Variants in DNAH9 observed in about 807,000 individuals in gnomAD.
The protein encoded by DNAH9 is DNAH9 variant protein.
In DNAH9, 345 loss-of-function variants were observed where a neutral mutation model predicts 471.6. That is an observed-to-expected ratio of 0.73 (90% CI 0.67 to 0.80). The LOEUF (loss-of-function observed/expected upper bound fraction) is 0.80. Ranked by LOEUF, DNAH9 falls within the 30% of genes least tolerant of loss-of-function variation. The pLI, the probability that DNAH9 is intolerant of heterozygous loss-of-function variation, is 0.00. For missense variants in DNAH9, 5,407 were observed against 5,609.2 expected (o/e 0.96, Z 1.15); for synonymous variants, 2,093 against 2,123.6 (o/e 0.99, Z 0.40).
intron 51 of DNAH9, among the ~76,000 whole-genome samples, chr17:11,869,902 C>T (rs1264626309): frequency 6.6e-6 from 1 of 152,212 alleles, no homozygotes; most frequent in Non-Finnish European, 1.5e-5. Context: ...TCCATGTGGC[C>T]ATGACTGGGG....
intron 53 of DNAH9, among the ~76,000 whole-genome samples, chr17:11,878,605 G>A (rs767748705): frequency 2.6e-5 from 4 of 152,100 alleles, no homozygotes; most frequent in African/African-American, 9.7e-5. Flanking sequence ...ACCCAGGCTG[G>A]AGTACAGTGG....
At chr17:11,651,697 T>C (rs1022378589) in intron 13 of DNAH9, among the ~76,000 whole-genome samples, 1 of 152,228 alleles carries the variant, frequency 6.6e-6, no homozygotes, top group Non-Finnish European at 1.5e-5. Context: ...ATGCATTGAC[T>C]TCTCTGGTAT....
chr17:11,924,049 A>G (rs748678501), intron 62 of DNAH9, 108 bp downstream of exon 62: 70 of 1,429,392 alleles, frequency 4.9e-5, no homozygotes, highest in Non-Finnish European at 6.0e-5. Flanking sequence ...GTCCTTTCAC[A>G]CTCTTGTCCC....
At chr17:11,912,280 G>A (rs1471607158) in intron 61 of DNAH9, among the ~76,000 whole-genome samples, 3 of 152,112 alleles carry the variant, frequency 2.0e-5, no homozygotes, top group Non-Finnish European at 2.9e-5. Context: ...ACCTCCCAAA[G>A]TGCTATCCTC....
intron 68 of DNAH9, among the ~76,000 whole-genome samples, chr17:11,963,290 C>T (rs1179689996): frequency 1.3e-5 from 2 of 151,950 alleles, no homozygotes; most frequent in African/African-American, 4.8e-5. Context: ...CAAAATTAGC[C>T]GGGCATGGTG....
Position 11,679,872 on chromosome 17 carries a change from G to A in DNAH9, c.3469G>A (p.Glu1157Lys), listed in dbSNP as rs770487783. ...CATGGGACACCTTATGGCTGTTAAAGAACGGCAGAGTAACACTGATGAGAT... is the reference window on the plus strand; with the variant it reads ...CATGGGACACCTTATGGCTGTTAAAAAACGGCAGAGTAACACTGATGAGAT... ...EIMGHLMAVK[E>K]RQSNTDEMFE... Residue 1157 changes from glutamate to lysine, a missense_variant, in exon 18 of 69, where the codon GAA becomes AAA. Coordinates refer to ENST00000262442, the MANE Select transcript of DNAH9 (RefSeq NM_001372.4). 6.2e-7 allele frequency: 1 copy of A among 1,614,116 alleles called. No homozygotes were observed. Among genetic ancestry groups the A allele is most frequent in the Non-Finnish European group, 8.5e-7 (1 of 1,179,996 alleles).
intron 21 of DNAH9, 48 bp from the exon 22 acceptor site, chr17:11,694,273 T>A: frequency 6.2e-7 from 1 of 1,603,424 alleles, no homozygotes; most frequent in East Asian, 2.2e-5. Flanking sequence ...TGTGTATCCA[T>A]GGGTCTAGAC....
Position 11,640,227 on chromosome 17 carries a change from G to A in DNAH9, c.1787-43G>A, listed in dbSNP as rs373502917. 2.0e-5 allele frequency: 24 copies of A among 1,227,590 alleles called. No homozygotes were observed. In the African/African-American group the frequency reaches 3.3e-4, roughly 17 times the overall value. The allele number at this position is 1,227,590 out of a possible 1,614,324, so 76.0% of individuals were successfully genotyped here. A position where few individuals can be genotyped will look rare whatever the true frequency, so the allele number is the denominator to read the frequency against. The stretch of plus-strand genomic sequence containing the variant: ...GTGTTTGCCGAGCGGAGAGGACTGA[G>A]GTGCTCTAGACTCATTTCGGTCTGT... On this transcript the variant is annotated intron_variant, in intron 9 of 68. Transcript: ENST00000262442.
intron 67 of DNAH9, among the ~76,000 whole-genome samples, chr17:11,944,508 G>A (rs1280287421): frequency 6.6e-6 from 1 of 152,126 alleles, no homozygotes; most frequent in Non-Finnish European, 1.5e-5. Context: ...ACATGGTTTG[G>A]CTGCAGCTAC....
At chr17:11,895,499 GACA>G (rs1228132706) in intron 59 of DNAH9, among the ~76,000 whole-genome samples, 10 of 152,126 alleles carry the variant, frequency 6.6e-5, no homozygotes, top group South Asian at 4.1e-4. Flanking sequence ...TTTATTTTGA[GACA>G]ACAATTCATA....
chr17:11,692,660 A>T (rs1247958217), intron 20 of DNAH9, among the ~76,000 whole-genome samples: 1 of 151,844 alleles, frequency 6.6e-6, no homozygotes, highest in Non-Finnish European at 1.5e-5. Context: ...CTTAATAATC[A>T]CATTAAGATG....
At chr17:11,936,711 G>A (rs1974725292) in intron 65 of DNAH9, among the ~76,000 whole-genome samples, 1 of 152,146 alleles carries the variant, frequency 6.6e-6, no homozygotes, top group South Asian at 2.1e-4. Flanking sequence ...TTAGGCATTA[G>A]GCATGGCAGA....
chr17:11,762,765 T>TTTTTTTTTTGTTTG (rs1555584599), intron 35 of DNAH9, among the ~76,000 whole-genome samples: 1 of 94,580 alleles, frequency 1.1e-5, no homozygotes, highest in Non-Finnish European at 2.2e-5. Context: ...TGCGTTTTTT[T>TTTTTTTTTTGTTTG]TTTTGTTTTT....
intron 9 of DNAH9, among the ~76,000 whole-genome samples, chr17:11,637,998 C>T (rs2073195446): frequency 6.6e-6 from 1 of 152,150 alleles, no homozygotes; most frequent in Non-Finnish European, 1.5e-5. Context: ...GGAATGTGAT[C>T]AGCTGGGTCT....
Position 11,807,877 on chromosome 17 carries a change from C to T in DNAH9, c.8566C>T (p.Gln2856Ter). The change falls in exon 44 of 69, where the codon CAG becomes TAG. Residue 2856 changes from glutamine (Q) to a stop codon, truncating the protein, a stop_gained. Transcript: ENST00000262442. LOFTEE classifies it high-confidence loss of function. ...VFQITLRKGY[Q>*]IQDFKMDLAS... The stretch of plus-strand genomic sequence containing the variant: ...CCAGATCACACTGCGCAAAGGCTAC[C>T]AGATCCAGGACTTCAAGGTAAAAGG... The T allele has an allele frequency of 3.1e-6, 5 of 1,608,226 alleles. No individual in the cohort carries two copies. The highest frequency in any genetic ancestry group is 4.3e-6 in the Non-Finnish European group (5 of 1,175,216).
Position 11,717,562 on chromosome 17 carries a change from T to G in DNAH9, c.5553-1772T>G, listed in dbSNP as rs532321184. ...CCCCTCACATGGCCCCGCCTGGAAG[T>G]TGAGAGTCTATGTATTGATTTGCTA... On this transcript the variant is annotated intron_variant, in intron 26 of 68. Coordinates refer to ENST00000262442, the MANE Select transcript of DNAH9 (RefSeq NM_001372.4). 1.3e-4 allele frequency among the ~76,000 whole-genome samples: 20 copies of G among 152,214 alleles called. 1 individual carries two copies. The South Asian group carries it at 3.3e-3, about 25-fold the overall frequency.
At chr17:11,888,871 T>C (rs1226123273) in intron 57 of DNAH9, among the ~76,000 whole-genome samples, 1 of 152,198 alleles carries the variant, frequency 6.6e-6, no homozygotes, top group African/African-American at 2.4e-5. Flanking sequence ...TCTCAGAATA[T>C]GGAAACCCCA....
At chr17:11,763,776 TG>T (rs1967819932) in intron 36 of DNAH9, among the ~76,000 whole-genome samples, 162 bp downstream of exon 36, 1 of 152,226 alleles carries the variant, frequency 6.6e-6, no homozygotes, top group South Asian at 2.1e-4. Flanking sequence ...AGACATCAGT[TG>T]TCCTAGCCAG....
intron 51 of DNAH9, among the ~76,000 whole-genome samples, chr17:11,870,032 C>T (rs1343242697): frequency 6.6e-6 from 1 of 152,090 alleles, no homozygotes; most frequent in African/African-American, 2.4e-5. Context: ...CTCTCCCTTC[C>T]TCAGGGCATT....
Sources: gnomAD v4.1 joint callset for allele counts (sites outside exome capture counted in the v4.1 genomes callset) on GRCh38, gnomAD v4.1.1 for gene constraint, MANE v1.5 for transcripts, NCBI Gene and HGNC (gene_info 2026-07-23, HGNC 2026-07-21) for gene names.